The following DPF3 variants were observed in gnomAD, a reference collection of about 807,000 sequenced individuals.
DPF3 encodes the protein double PHD fingers 3.
Under a neutral mutation model 56.8 loss-of-function variants are expected in DPF3, and 18 were observed. That is an observed-to-expected ratio of 0.32 (90% confidence interval 0.22 to 0.47). The LOEUF is 0.47. Among genes scored for constraint, DPF3 ranks in the 20% least tolerant of loss-of-function variants. The pLI is 1.00. For missense variants in DPF3, 403 were observed against 488.8 expected (o/e 0.82, Z 1.65); for synonymous variants, 188 against 180.2 (o/e 1.04, Z -0.35).
intron 1 of DPF3, among the ~76,000 whole-genome samples, chr14:72,796,986 C>A (rs753449884): frequency 2.0e-5 from 3 of 152,066 alleles, no homozygotes; most frequent in Admixed American, 2.0e-4. Context: ...AAGCATCGCA[C>A]CTGGATAGAA....
At chr14:72,806,799 GTCTCT>G (rs772228898) in intron 1 of DPF3, 5 of 152,094 alleles carry the variant, frequency 3.3e-5, no homozygotes, top group Non-Finnish European at 7.3e-5. Flanking sequence ...CATTTTGTCG[GTCTCT>G]TCTAAGTGGT....
chr14:72,681,869 A>G (rs1467615337), intron 7 of DPF3, among the ~76,000 whole-genome samples: 1 of 152,226 alleles, frequency 6.6e-6, no homozygotes, highest in Non-Finnish European at 1.5e-5. Flanking sequence ...TTAGGTGGGC[A>G]ACCCTAGGTC....
chr14:72,671,387 C>A, intron 8 of DPF3: 2 of 1,601,956 alleles, frequency 1.2e-6, no homozygotes, highest in East Asian at 2.2e-5. Flanking sequence ...CAACAGACAG[C>A]ATTATTAATA....
At position 72,803,641 on chromosome 14, in the gene DPF3, A is replaced by G. The variant is rs183583534; in HGVS notation, c.33-31748T>C. ...GGTGGGCAACTGGAGTGGAAGCTCCACAAGGGTATGAATGCTGTCTTTTGT... is the reference window on the plus strand; with the variant it reads ...GGTGGGCAACTGGAGTGGAAGCTCCGCAAGGGTATGAATGCTGTCTTTTGT... On this transcript the variant is annotated intron_variant, in intron 1 of 10. Coordinates refer to ENST00000556509, the MANE Select transcript of DPF3 (RefSeq NM_001280542.3). Among the ~76,000 whole-genome samples, 5 of 152,332 alleles carry G rather than the reference A, an allele frequency of 3.3e-5. No individual in the cohort carries two copies. The East Asian group carries it at 9.7e-4, about 29-fold the overall frequency.
chr14:72,779,835 G>A (rs1414245513), intron 1 of DPF3, among the ~76,000 whole-genome samples: 3 of 152,186 alleles, frequency 2.0e-5, no homozygotes, highest in Admixed American at 6.5e-5. Context: ...TCACTATTGC[G>A]GTGTCCTTGA....
At chr14:72,892,714 C>A in intron 1 of DPF3, 1 of 1,006,748 alleles carries the variant, frequency 9.9e-7, no homozygotes. Context: ...GCATGAACCG[C>A]CCCCCACCCG....
At chr14:72,699,196 T>C (rs1475812075) in intron 6 of DPF3, among the ~76,000 whole-genome samples, 2 of 151,768 alleles carry the variant, frequency 1.3e-5, no homozygotes, top group African/African-American at 4.8e-5. Flanking sequence ...AAGAAACTGG[T>C]GGAAAAAGAG....
At chr14:72,694,835 T>C (rs1032492593) in intron 6 of DPF3, among the ~76,000 whole-genome samples, 1 of 152,272 alleles carries the variant, frequency 6.6e-6, no homozygotes, top group Non-Finnish European at 1.5e-5. Flanking sequence ...TATAGAGTTT[T>C]ATTATAGGAG....
At chr14:72,868,226 G>A (rs898680628) in intron 1 of DPF3, among the ~76,000 whole-genome samples, 3 of 152,000 alleles carry the variant, frequency 2.0e-5, no homozygotes, top group African/African-American at 7.3e-5. Context: ...AAGGGCAAAG[G>A]GTACCTGGGA....
chr14:72,665,153 TC>T (rs76066807), intron 8 of DPF3, among the ~76,000 whole-genome samples: 9,121 of 152,206 alleles, frequency 0.06, 828 homozygotes, highest in African/African-American at 0.19. Flanking sequence ...TCTACTGAGA[TC>T]CATGGCAAAA....
chr14:72,777,900 A>G (rs544510987), intron 1 of DPF3, among the ~76,000 whole-genome samples: 8 of 152,270 alleles, frequency 5.3e-5, no homozygotes, highest in Non-Finnish European at 8.8e-5. Flanking sequence ...CCTGTTCTTT[A>G]TAAATTACCA....
chr14:72,621,797 G>T (rs1001583443), intron 9 of DPF3, among the ~76,000 whole-genome samples: 4 of 152,210 alleles, frequency 2.6e-5, no homozygotes, highest in African/African-American at 9.7e-5. Flanking sequence ...GATTAGATGG[G>T]GAGAGTGATA....
At chr14:72,871,316 C>G (rs541741832) in intron 1 of DPF3, among the ~76,000 whole-genome samples, 1 of 152,300 alleles carries the variant, frequency 6.6e-6, no homozygotes, top group South Asian at 2.1e-4. Context: ...TCCCAAAAGT[C>G]CCCCAAAGTC....
At chr14:72,825,093 G>A (rs922440275) in intron 1 of DPF3, among the ~76,000 whole-genome samples, 11 of 152,154 alleles carry the variant, frequency 7.2e-5, no homozygotes, top group South Asian at 2.1e-4. Flanking sequence ...TCACCATGTC[G>A]GCCAGGCTGG....
intron 9 of DPF3, among the ~76,000 whole-genome samples, chr14:72,621,339 C>A (rs1599307882): frequency 6.6e-6 from 1 of 152,140 alleles, no homozygotes; most frequent in East Asian, 1.9e-4. Context: ...TGATCTGGCC[C>A]CACCCCCTAG....
At chr14:72,860,566 T>TCTTTTC (rs1375634317) in intron 1 of DPF3, among the ~76,000 whole-genome samples, 1 of 151,888 alleles carries the variant, frequency 6.6e-6, no homozygotes, top group Non-Finnish European at 1.5e-5. Context: ...TTTTTCTTTT[T>TCTTTTC]CTTTTTCTTT....
chr14:72,765,640 C>T (rs1891249364), intron 2 of DPF3, among the ~76,000 whole-genome samples: 1 of 152,180 alleles, frequency 6.6e-6, no homozygotes, highest in African/African-American at 2.4e-5. Context: ...CAGACATGCC[C>T]TTGTCCCTAA....
intron 7 of DPF3, among the ~76,000 whole-genome samples, chr14:72,690,493 T>TACAC (rs1317316634): frequency 6.6e-6 from 1 of 151,038 alleles, no homozygotes; most frequent in Non-Finnish European, 1.5e-5. Context: ...CACACGCAGG[T>TACAC]ACACACACAA....
intron 1 of DPF3, among the ~76,000 whole-genome samples, chr14:72,875,974 G>A (rs1255544640): frequency 1.3e-5 from 2 of 152,198 alleles, no homozygotes; most frequent in African/African-American, 4.8e-5. Context: ...ACACAGGTTG[G>A]CATTTACATT....
Sources: allele counts gnomAD v4.1 joint callset (sites outside exome capture counted in the v4.1 genomes callset), GRCh38; gene constraint gnomAD v4.1.1; transcripts MANE v1.5; gene names NCBI Gene and HGNC (gene_info 2026-07-23, HGNC 2026-07-21).